The following SORCS3 variants were observed in gnomAD, a reference collection of about 807,000 sequenced individuals.
SORCS3 encodes VPS10 domain-containing receptor SorCS3.
SORCS3 carries 57 observed loss-of-function variants against 146.3 expected under a neutral mutation model. That is an observed-to-expected ratio of 0.39 (90% CI 0.31 to 0.49). The LOEUF is 0.49. Ranked by LOEUF, SORCS3 falls within the 20% of genes least tolerant of loss-of-function variation. SORCS3 has a pLI of 0.92. For synonymous variants in SORCS3, 653 were observed against 618.5 expected (o/e 1.06, Z -0.83); for missense variants, 1,341 against 1,575.5 (o/e 0.85, Z 2.52).
At chr10:104,756,392 C>T (rs957882686) in intron 1 of SORCS3, among the ~76,000 whole-genome samples, 1 of 152,214 alleles carries the variant, frequency 6.6e-6, no homozygotes, top group African/African-American at 2.4e-5. Context: ...TCCATGGAAC[C>T]TGCCTTGGTT....
intron 1 of SORCS3, among the ~76,000 whole-genome samples, chr10:104,647,046 A>G (rs1034090279): frequency 6.6e-5 from 10 of 152,116 alleles, no homozygotes; most frequent in African/African-American, 2.4e-4. Flanking sequence ...AGGAATTAGA[A>G]ATTGTTGTTG....
chr10:105,203,714 T>TA (rs2056586713), intron 16 of SORCS3, among the ~76,000 whole-genome samples: 1 of 152,140 alleles, frequency 6.6e-6, no homozygotes, highest in Non-Finnish European at 1.5e-5. Flanking sequence ...AGCTGCAAAA[T>TA]AAAAATACAT....
At position 104,641,753 on chromosome 10, in the gene SORCS3, C is replaced by G. The variant is rs1428540819; in HGVS notation, c.426C>G (p.Arg142=). 1.3e-6 allele frequency: 2 copies of G among 1,545,964 alleles called. No individual in the cohort carries two copies. Among genetic ancestry groups the G allele is most frequent in the Non-Finnish European group, 1.7e-6 (2 of 1,145,790 alleles). ...RRAQPPITQE[R]GDAWATAPAD... is the part of the protein sequence containing the mutation. Reference sequence around the variant, plus strand: ...CGCAGCCCCCAATCACCCAGGAACGCGGGGACGCCTGGGCCACTGCTCCGG... The same window carrying G: ...CGCAGCCCCCAATCACCCAGGAACGGGGGGACGCCTGGGCCACTGCTCCGG... Residue 142 remains arginine (R), a synonymous_variant, in exon 1 of 27, where the codon CGC becomes CGG. Transcript: ENST00000369701. This position sits in a 1 kb window ranked among gnomAD's most constrained non-coding sequence, Gnocchi z 6.4.
intron 5 of SORCS3, among the ~76,000 whole-genome samples, chr10:105,078,389 T>G (rs1046442653): frequency 6.6e-6 from 1 of 152,076 alleles, no homozygotes; most frequent in African/African-American, 2.4e-5. Context: ...GAGACAAAAA[T>G]CAGGTGTACA....
intron 16 of SORCS3, among the ~76,000 whole-genome samples, chr10:105,204,161 A>T (rs1309708793): frequency 6.6e-6 from 1 of 152,102 alleles, no homozygotes; most frequent in Non-Finnish European, 1.5e-5. Context: ...AAGACGCTGT[A>T]ATGTCAGGAT....
At chr10:104,688,355 T>TG (rs989208491) in intron 1 of SORCS3, among the ~76,000 whole-genome samples, 10 of 151,958 alleles carry the variant, frequency 6.6e-5, no homozygotes, top group Middle Eastern at 3.4e-3. Context: ...GCTGCGTGTG[T>TG]GGGGGGGCAG....
chr10:104,832,946 G>A (rs1301991870), intron 1 of SORCS3, among the ~76,000 whole-genome samples: 1 of 152,086 alleles, frequency 6.6e-6, no homozygotes, highest in Non-Finnish European at 1.5e-5. Context: ...CCATATTTTG[G>A]TGGGACCCAC....
chr10:104,647,559 A>T, intron 1 of SORCS3, among the ~76,000 whole-genome samples: 1 of 152,196 alleles, frequency 6.6e-6, no homozygotes, highest in East Asian at 1.9e-4. Context: ...CCTTCCCTCC[A>T]ATCACCATCA....
At chr10:104,933,028 C>T (rs768379926) in intron 3 of SORCS3, among the ~76,000 whole-genome samples, 1 of 152,090 alleles carries the variant, frequency 6.6e-6, no homozygotes, top group Non-Finnish European at 1.5e-5. Context: ...ACTGTGCTGG[C>T]CCCCTTGGAC....
chr10:104,828,066 G>A (rs1307327261), intron 1 of SORCS3, among the ~76,000 whole-genome samples: 1 of 152,096 alleles, frequency 6.6e-6, no homozygotes, highest in East Asian at 1.9e-4. Flanking sequence ...TTCCCTATCA[G>A]CAATAAGGCT....
chr10:104,947,969 C>T (rs2019390999), intron 3 of SORCS3, among the ~76,000 whole-genome samples: 2 of 152,148 alleles, frequency 1.3e-5, no homozygotes, highest in South Asian at 4.1e-4. Flanking sequence ...AACAAAACTC[C>T]TTTTGTCTGG....
rs1199169808 is a variant in SORCS3 at position 105,048,351 on chromosome 10, G to T, written c.1028+5223G>T. Among the ~76,000 whole-genome samples the T allele has an allele frequency of 2.0e-5, 3 of 150,160 alleles. No individual in the cohort carries two copies. The East Asian group carries it at 5.9e-4, about 30-fold the overall frequency. ...CATATACACCATGGAATACTATGCAGCCATAAAAAATGATGAATTCATGTC... is the reference window on the plus strand; with the variant it reads ...CATATACACCATGGAATACTATGCATCCATAAAAAATGATGAATTCATGTC... On this transcript the variant is annotated intron_variant, in intron 5 of 26. Transcript: ENST00000369701.
intron 14 of SORCS3, among the ~76,000 whole-genome samples, chr10:105,182,775 A>C (rs1294188711): frequency 6.6e-6 from 1 of 152,134 alleles, no homozygotes; most frequent in Non-Finnish European, 1.5e-5. Flanking sequence ...GGTTCACTGC[A>C]GCCTTGACCT....
chr10:105,216,369 C>G (rs2056665000), intron 18 of SORCS3, among the ~76,000 whole-genome samples: 1 of 152,054 alleles, frequency 6.6e-6, no homozygotes, highest in South Asian at 2.1e-4. Flanking sequence ...GGAGCAATTA[C>G]AACTATAGCA....
chr10:105,092,004 T>C (rs2055713835), intron 6 of SORCS3, among the ~76,000 whole-genome samples: 1 of 152,178 alleles, frequency 6.6e-6, no homozygotes, highest in Non-Finnish European at 1.5e-5. Flanking sequence ...GGTGTAGGAA[T>C]CCCTTCTCCC....
chr10:104,975,388 C>A (rs1210368593), intron 3 of SORCS3, among the ~76,000 whole-genome samples: 1 of 151,972 alleles, frequency 6.6e-6, no homozygotes, highest in Admixed American at 6.6e-5. Context: ...GAACTACAAA[C>A]CACTGCTCAA....
intron 9 of SORCS3, among the ~76,000 whole-genome samples, chr10:105,153,713 G>T (rs1469478971): frequency 1.3e-5 from 2 of 151,454 alleles, no homozygotes; most frequent in Non-Finnish European, 2.9e-5. Context: ...GTAACTCATC[G>T]CAGGTGTGAT....
At chr10:105,055,765 A>G (rs557506059) in intron 5 of SORCS3, among the ~76,000 whole-genome samples, 31 of 152,230 alleles carry the variant, frequency 2.0e-4, no homozygotes, top group African/African-American at 7.0e-4. Context: ...CATATTTCTG[A>G]CCTGTTTTTC....
chr10:105,246,919 T>C (rs982980944), intron 21 of SORCS3, among the ~76,000 whole-genome samples: 1 of 152,256 alleles, frequency 6.6e-6, no homozygotes. Context: ...CCACCTACAG[T>C]AGCAGACGTC....
Sources: allele counts gnomAD v4.1 joint callset (sites outside exome capture counted in the v4.1 genomes callset), GRCh38; gene constraint gnomAD v4.1.1; non-coding constraint Gnocchi (gnomAD v3.1); transcripts MANE v1.5; gene names NCBI Gene and HGNC (gene_info 2026-07-23, HGNC 2026-07-21).